NEDD9: variants seen among roughly 807,000 people sequenced by gnomAD.
The protein encoded by NEDD9 is enhancer of filamentation 1.
NEDD9 carries 26 observed loss-of-function variants against 76.6 expected under a neutral mutation model. The ratio of observed to expected loss-of-function variants is 0.34; its 90% CI spans 0.25 to 0.47. The LOEUF (loss-of-function observed/expected upper bound fraction) is 0.47, where lower values mean the gene tolerates loss of function less well. NEDD9 is among the 20% of genes least tolerant of loss of function. NEDD9 has a pLI of 1.00. For synonymous variants in NEDD9, 392 were observed against 414.2 expected, an observed-to-expected ratio of 0.95 and a Z score of 0.65; for missense variants, 937 against 1,058.5, an observed-to-expected ratio of 0.89 and a Z score of 1.59.
chr6:11,214,034 T>C (rs1156842052), intron 1 of NEDD9, among the ~76,000 whole-genome samples: 1 of 152,176 alleles, frequency 6.6e-6, no homozygotes, highest in Non-Finnish European at 1.5e-5. Context: ...TAGAGCATGG[T>C]TCACTATACA....
chr6:11,263,411 T>G (rs1350582369), intron 3 of NEDD9, among the ~76,000 whole-genome samples: 1 of 152,222 alleles, frequency 6.6e-6, no homozygotes, highest in African/African-American at 2.4e-5. Flanking sequence ...CCACTCTCAA[T>G]TCAACTGCCT....
intron 2 of NEDD9, among the ~76,000 whole-genome samples, chr6:11,315,004 G>A (rs150495283): frequency 6.6e-6 from 1 of 152,350 alleles, no homozygotes; most frequent in African/African-American, 2.4e-5. Context: ...CGCCAAATGA[G>A]TAGTGTCCTA....
In NEDD9 at chr6:11,184,516, A is replaced by G. The variant is rs1204049412; in HGVS notation, c.*646T>C. The G allele has an allele frequency of 6.6e-6, 1 of 152,326 alleles. No homozygotes were observed. Among genetic ancestry groups the G allele is most frequent in the Non-Finnish European group, 1.5e-5 (1 of 68,152 alleles). 9.4% of individuals were successfully genotyped at this position (152,326 alleles called of 1,614,324 possible). A position where few individuals can be genotyped will look rare whatever the true frequency, so the allele number is the denominator to read the frequency against. ...AAACACACAGGTCTCTCTTCCCTCC[A>G]GCACCTGAACTATCAGAGCTTGGAT... On this transcript the variant is annotated 3_prime_UTR_variant, in exon 7 of 7. Transcript: ENST00000379446.
intron 2 of NEDD9, among the ~76,000 whole-genome samples, chr6:11,317,826 C>T (rs1319051049): frequency 3.3e-5 from 5 of 152,260 alleles, no homozygotes; most frequent in Middle Eastern, 3.4e-3. Flanking sequence ...GATGTCCAGA[C>T]ATTTGGGCAA....
intron 1 of NEDD9, chr6:11,352,260 G>T (rs187745836): frequency 1.3e-4 from 20 of 152,330 alleles, no homozygotes; most frequent in Admixed American, 1.2e-3. Flanking sequence ...GCCTCTGGGT[G>T]TAGATGGAGC....
intron 3 of NEDD9, among the ~76,000 whole-genome samples, chr6:11,301,290 G>C (rs1691593553): frequency 6.6e-6 from 1 of 152,108 alleles, no homozygotes; most frequent in African/African-American, 2.4e-5. Context: ...ATAATGGTAA[G>C]GGGATCAATT....
At chr6:11,365,838 A>G (rs746018721) in intron 1 of NEDD9, among the ~76,000 whole-genome samples, 2 of 151,950 alleles carry the variant, frequency 1.3e-5, no homozygotes, top group African/African-American at 4.8e-5. Flanking sequence ...TAAAAATACA[A>G]AAATTAGGTG....
chr6:11,379,826 A>C (rs1394168293), intron 1 of NEDD9, among the ~76,000 whole-genome samples: 1 of 152,200 alleles, frequency 6.6e-6, no homozygotes, highest in Non-Finnish European at 1.5e-5. Flanking sequence ...AGGAGCCAAG[A>C]GTTAGAGTAG....
At chr6:11,227,988 G>A (rs905964588) in intron 1 of NEDD9, among the ~76,000 whole-genome samples, 1 of 151,342 alleles carries the variant, frequency 6.6e-6, no homozygotes, top group African/African-American at 2.4e-5. Context: ...GAGGGACCAA[G>A]ATTTCCCATA....
intron 1 of NEDD9, among the ~76,000 whole-genome samples, chr6:11,345,558 A>G (rs1762349444): frequency 6.6e-6 from 1 of 152,110 alleles, no homozygotes; most frequent in Non-Finnish European, 1.5e-5. Flanking sequence ...GCACATCCCT[A>G]TGCTGTGATA....
At chr6:11,196,822 G>A (rs1758305915) in intron 2 of NEDD9, among the ~76,000 whole-genome samples, 1 of 152,084 alleles carries the variant, frequency 6.6e-6, no homozygotes, top group Non-Finnish European at 1.5e-5. Flanking sequence ...GTCCAGTGCA[G>A]CAATCCGCAT....
intron 2 of NEDD9, among the ~76,000 whole-genome samples, chr6:11,314,900 G>A (rs929567534): frequency 2.6e-5 from 4 of 152,136 alleles, no homozygotes; most frequent in East Asian, 1.9e-4. Flanking sequence ...TCTTATTTAG[G>A]TTATAACCTG....
At chr6:11,313,125 G>C in intron 2 of NEDD9, among the ~76,000 whole-genome samples, 1 of 152,022 alleles carries the variant, frequency 6.6e-6, no homozygotes, top group East Asian at 1.9e-4. Context: ...TGGATGGGTA[G>C]ATGAATGGAT....
At chr6:11,266,568 C>T (rs6457228) in intron 3 of NEDD9, among the ~76,000 whole-genome samples, 58,222 of 151,974 alleles carry the variant, frequency 0.38, 12,652 homozygotes, top group African/African-American at 0.61. Flanking sequence ...AAATTTATTC[C>T]TTCTGGCCAC....
intron 3 of NEDD9, among the ~76,000 whole-genome samples, chr6:11,272,165 C>T (rs746090182): frequency 7.0e-4 from 106 of 152,248 alleles, no homozygotes; most frequent in Non-Finnish European, 1.4e-3. Context: ...CCTTTTCTCT[C>T]GTGCTGCAGA....
intron 3 of NEDD9, among the ~76,000 whole-genome samples, chr6:11,300,501 A>G (rs572560569): frequency 1.2e-4 from 18 of 152,324 alleles, no homozygotes; most frequent in African/African-American, 3.6e-4. Flanking sequence ...CAAATTCAGG[A>G]AATACAGAGA....
intron 2 of NEDD9, chr6:11,334,359 A>T (rs1390557146): frequency 1.3e-5 from 2 of 152,208 alleles, no homozygotes; most frequent in East Asian, 3.8e-4. Context: ...ATCTTTTGTC[A>T]TCTGAAAAAT....
intron 3 of NEDD9, among the ~76,000 whole-genome samples, chr6:11,249,685 A>G (rs1044094006): frequency 1.3e-5 from 2 of 152,214 alleles, no homozygotes; most frequent in African/African-American, 2.4e-5. Context: ...AGTACCTACT[A>G]GGTAAATATG....
At chr6:11,354,991 T>A (rs986448943) in intron 1 of NEDD9, among the ~76,000 whole-genome samples, 3 of 152,242 alleles carry the variant, frequency 2.0e-5, no homozygotes. Flanking sequence ...CCTGAAGCTC[T>A]TTTCTGCTAC....
Sources: gnomAD v4.1 joint callset for allele counts (sites outside exome capture counted in the v4.1 genomes callset) on GRCh38, gnomAD v4.1.1 for gene constraint, MANE v1.5 for transcripts, NCBI Gene and HGNC (gene_info 2026-07-23, HGNC 2026-07-21) for gene names.